Variants in KATNA1 observed in about 807,000 individuals in gnomAD.
KATNA1 encodes katanin catalytic subunit A1.
KATNA1 carries 42 observed loss-of-function variants against 62.6 expected under a neutral mutation model. The observed-to-expected ratio is 0.67, with a 90% CI of 0.52 to 0.87. The LOEUF (loss-of-function observed/expected upper bound fraction) is 0.87, where lower values mean the gene tolerates loss of function less well. KATNA1 is among the 40% of genes least tolerant of loss of function. KATNA1 has a pLI of 0.00. For synonymous variants in KATNA1, 186 were observed against 201.9 expected (o/e 0.92, Z 0.67); for missense variants, 498 against 612.5 (o/e 0.81, Z 1.97).
chr6:149,618,276 A>C (rs1779258204), intron 4 of KATNA1, among the ~76,000 whole-genome samples: 1 of 151,622 alleles, frequency 6.6e-6, no homozygotes, highest in Non-Finnish European at 1.5e-5. Context: ...TCAGGAGTTC[A>C]AGACCAGCCT....
In KATNA1 at chr6:149,601,591, C is replaced by T; in HGVS notation, c.888+3G>A. On this transcript the variant is annotated splice_donor_region_variant and intron_variant, in intron 7 of 10. Coordinates refer to ENST00000367411, the MANE Select transcript of KATNA1 (RefSeq NM_007044.4). Reference sequence around the variant, plus strand: ...AATCATTAGAGCTGTCTCAAACATTCACCATTTCAAACAGAAGACGAACAA... The same window carrying T: ...AATCATTAGAGCTGTCTCAAACATTTACCATTTCAAACAGAAGACGAACAA... The T allele has an allele frequency of 6.3e-7, 1 of 1,599,202 alleles. No individual in the cohort carries two copies. Among genetic ancestry groups the T allele is most frequent in the South Asian group, 1.1e-5 (1 of 88,048 alleles).
chr6:149,641,487 T>C (rs1039324407), intron 1 of KATNA1, among the ~76,000 whole-genome samples: 8 of 151,772 alleles, frequency 5.3e-5, no homozygotes, highest in African/African-American at 1.9e-4. Flanking sequence ...GCCTTGGGGT[T>C]TTTTTTTAAC....
intron 1 of KATNA1, among the ~76,000 whole-genome samples, chr6:149,641,328 C>T (rs1780276402): frequency 6.6e-6 from 1 of 151,870 alleles, no homozygotes; most frequent in Non-Finnish European, 1.5e-5. Context: ...AGGCGCCCAC[C>T]ACCACGCTCG....
At chr6:149,596,282 CTT>C (rs751736958) in intron 10 of KATNA1, among the ~76,000 whole-genome samples, 11 of 152,308 alleles carry the variant, frequency 7.2e-5, no homozygotes, top group Non-Finnish European at 1.2e-4. Context: ...CGCCTGTAAT[CTT>C]AGCATTTTGG....
chr6:149,612,199 T>G (rs1359145970), intron 4 of KATNA1, among the ~76,000 whole-genome samples: 2 of 152,048 alleles, frequency 1.3e-5, no homozygotes, highest in African/African-American at 4.8e-5. Context: ...GGTAGTTTCA[T>G]TGTAGAAACA....
intron 4 of KATNA1, among the ~76,000 whole-genome samples, chr6:149,619,921 C>T (rs542717844): frequency 6.6e-6 from 1 of 151,922 alleles, no homozygotes; most frequent in East Asian, 1.9e-4. Flanking sequence ...ACCTAAGTTC[C>T]TATCGACAGA....
At chr6:149,597,767 C>G (rs1023406310) in intron 8 of KATNA1, 126 bp from the exon 9 acceptor site, 1 of 825,886 alleles carries the variant, frequency 1.2e-6, no homozygotes, top group Non-Finnish European at 1.9e-6. Flanking sequence ...TTAATGCCTC[C>G]TTAAGACTTA....
At chr6:149,632,300 G>A (rs1488637681) in intron 3 of KATNA1, among the ~76,000 whole-genome samples, 3 of 151,792 alleles carry the variant, frequency 2.0e-5, no homozygotes, top group East Asian at 3.9e-4. Flanking sequence ...ACTTGAACCC[G>A]GGAGGCAGAG....
intron 3 of KATNA1, chr6:149,631,448 A>G (rs911950640): frequency 1.4e-4 from 22 of 152,174 alleles, no homozygotes; most frequent in African/African-American, 5.3e-4. Flanking sequence ...GCTGGTCCGA[A>G]TGTAGTGAGT....
At chr6:149,606,458 C>T (rs111829823) in intron 4 of KATNA1, among the ~76,000 whole-genome samples, 6 of 152,082 alleles carry the variant, frequency 3.9e-5, no homozygotes, top group African/African-American at 1.4e-4. Context: ...ATTCCTTTGC[C>T]AACTGGTGCT....
At chr6:149,607,162 G>A (rs1055483261) in intron 4 of KATNA1, among the ~76,000 whole-genome samples, 11 of 152,074 alleles carry the variant, frequency 7.2e-5, no homozygotes, top group South Asian at 4.1e-4. Context: ...GGGAATGTTC[G>A]CAGACAAAGC....
intron 4 of KATNA1, among the ~76,000 whole-genome samples, chr6:149,615,862 A>G (rs887806169): frequency 2.6e-5 from 4 of 152,252 alleles, no homozygotes; most frequent in African/African-American, 9.6e-5. Context: ...GTTGTCTACA[A>G]GAGACACTTT....
intron 4 of KATNA1, among the ~76,000 whole-genome samples, chr6:149,607,104 A>T (rs913949642): frequency 1.3e-5 from 2 of 152,208 alleles, no homozygotes; most frequent in East Asian, 3.8e-4. Context: ...TACAAATATA[A>T]GGCATTTTCT....
Position 149,609,814 on chromosome 6 carries a change from A to AAAAAAAAAAAAAAAAAAAAAC in KATNA1, c.502-5033_502-5032insGTTTTTTTTTTTTTTTTTTTT, listed in dbSNP as rs1562284874. On this transcript the variant is annotated intron_variant, in intron 4 of 10. Coordinates refer to ENST00000367411, the MANE Select transcript of KATNA1 (RefSeq NM_007044.4). ...CTAGACTCCATCTCAAAAAAAAAAA[A>AAAAAAAAAAAAAAAAAAAAAC]AATAGGCCAGGTGCGGTGGCTCATG... Among the ~76,000 whole-genome samples, 32 of 141,634 alleles carry AAAAAAAAAAAAAAAAAAAAAC rather than the reference A, an allele frequency of 2.3e-4. 1 individual carries two copies. The highest frequency in any genetic ancestry group is 8.6e-4 in the African/African-American group (31 of 36,190). 92.9% of individuals were successfully genotyped at this position (141,634 alleles called of 152,430 possible).
chr6:149,608,734 G>A (rs1778834216), intron 4 of KATNA1, among the ~76,000 whole-genome samples: 1 of 152,030 alleles, frequency 6.6e-6, no homozygotes, highest in Non-Finnish European at 1.5e-5. Context: ...GGACATCATA[G>A]AGGGAACCTA....
chr6:149,640,329 T>G (rs532072738), intron 1 of KATNA1, among the ~76,000 whole-genome samples: 1 of 152,024 alleles, frequency 6.6e-6, no homozygotes, highest in South Asian at 2.1e-4. Context: ...TGGTGGTGTG[T>G]GCCTGTAGTC....
At chr6:149,646,870 C>A (rs1372843167) in intron 1 of KATNA1, among the ~76,000 whole-genome samples, 1 of 152,114 alleles carries the variant, frequency 6.6e-6, no homozygotes, top group African/African-American at 2.4e-5. Flanking sequence ...ATAATACTAT[C>A]TTTTTTAAAC....
intron 3 of KATNA1, among the ~76,000 whole-genome samples, chr6:149,632,508 G>A (rs1779889290): frequency 6.6e-6 from 1 of 152,100 alleles, no homozygotes; most frequent in South Asian, 2.1e-4. Context: ...CCTTCCACAA[G>A]ATAACACTGT....
At chr6:149,646,276 G>C (rs1780486431) in intron 1 of KATNA1, among the ~76,000 whole-genome samples, 1 of 152,076 alleles carries the variant, frequency 6.6e-6, no homozygotes, top group Non-Finnish European at 1.5e-5. Context: ...GACAAACATA[G>C]AATATTATTA....
Sources: gnomAD v4.1 joint callset for allele counts (sites outside exome capture counted in the v4.1 genomes callset) on GRCh38, gnomAD v4.1.1 for gene constraint, MANE v1.5 for transcripts, NCBI Gene and HGNC (gene_info 2026-07-23, HGNC 2026-07-21) for gene names.